APBB2: variants seen among roughly 807,000 people sequenced by gnomAD.
The protein encoded by APBB2 is Fe65-like 1.
Under a neutral mutation model 82.5 loss-of-function variants are expected in APBB2, and 38 were observed. The ratio of observed to expected loss-of-function variants is 0.46; its 90% CI spans 0.36 to 0.60. The LOEUF (loss-of-function observed/expected upper bound fraction) is 0.60. Ranked by LOEUF, APBB2 falls within the 20% of genes least tolerant of loss-of-function variation. APBB2 has a pLI of 0.00. For missense variants in APBB2, 772 were observed against 972.3 expected (o/e 0.79, Z 2.74); for synonymous variants, 341 against 368.2 (o/e 0.93, Z 0.85).
At chr4:41,183,738 C>T (rs148187139) in intron 1 of APBB2, among the ~76,000 whole-genome samples, 143 of 148,554 alleles carry the variant, frequency 9.6e-4, no homozygotes, top group African/African-American at 3.5e-3. Flanking sequence ...AACTGTAAAA[C>T]AATAATTTGT....
intron 10 of APBB2, among the ~76,000 whole-genome samples, chr4:40,896,035 G>C (rs1387964248): frequency 6.6e-6 from 1 of 152,070 alleles, no homozygotes; most frequent in African/African-American, 2.4e-5. Flanking sequence ...TGATAAACAA[G>C]GCTGGATAAA....
At chr4:40,929,105 T>C (rs1039066735) in intron 10 of APBB2, among the ~76,000 whole-genome samples, 7 of 151,842 alleles carry the variant, frequency 4.6e-5, no homozygotes, top group Admixed American at 6.6e-5. Context: ...TTCTGTAGGA[T>C]ACAACATGAC....
chr4:40,888,507 C>T (rs981108011), intron 12 of APBB2, among the ~76,000 whole-genome samples: 3 of 152,044 alleles, frequency 2.0e-5, no homozygotes, highest in African/African-American at 7.3e-5. Flanking sequence ...ACTTTGGCTC[C>T]TGCCTCGCAC....
intron 10 of APBB2, among the ~76,000 whole-genome samples, chr4:40,920,835 C>T (rs1337780111): frequency 1.3e-5 from 2 of 152,210 alleles, no homozygotes; most frequent in Non-Finnish European, 2.9e-5. Context: ...CACACCATTG[C>T]ACTCCAGCCT....
chr4:40,912,167 C>T (rs1778738432), intron 10 of APBB2, among the ~76,000 whole-genome samples: 1 of 152,212 alleles, frequency 6.6e-6, no homozygotes, highest in Non-Finnish European at 1.5e-5. Flanking sequence ...TGTGGAAAGA[C>T]ATCTTAAATC....
At chr4:40,849,192 G>C (rs1360538147) in intron 12 of APBB2, among the ~76,000 whole-genome samples, 1 of 152,054 alleles carries the variant, frequency 6.6e-6, no homozygotes, top group East Asian at 1.9e-4. Context: ...AAATGACTTT[G>C]GTTCATATCC....
chr4:41,050,498 G>A (rs531455873), intron 4 of APBB2, among the ~76,000 whole-genome samples: 1 of 152,322 alleles, frequency 6.6e-6, no homozygotes, highest in South Asian at 2.1e-4. Flanking sequence ...GGGGTTGGAG[G>A]ACAGGGGTAG....
chr4:40,983,074 T>G (rs12498883), intron 6 of APBB2, among the ~76,000 whole-genome samples: 58,279 of 152,166 alleles, frequency 0.38, 12,272 homozygotes, highest in East Asian at 0.71. Context: ...TATTGAGCAC[T>G]TACCATGAAT....
chr4:41,207,153 T>G (rs1323773333), intron 1 of APBB2, among the ~76,000 whole-genome samples: 2 of 128,410 alleles, frequency 1.6e-5, no homozygotes, highest in Non-Finnish European at 3.1e-5. Flanking sequence ...GAGCCGAGAT[T>G]AAGCCACTGC....
At chr4:41,095,254 G>A (rs1307893475) in intron 3 of APBB2, among the ~76,000 whole-genome samples, 1 of 152,184 alleles carries the variant, frequency 6.6e-6, no homozygotes, top group East Asian at 1.9e-4. Context: ...GCAGATATAA[G>A]ATTAAATAAA....
At chr4:40,887,949 T>C (rs2154350066) in intron 12 of APBB2, among the ~76,000 whole-genome samples, 1 of 152,312 alleles carries the variant, frequency 6.6e-6, no homozygotes, top group East Asian at 1.9e-4. Flanking sequence ...AGTAGGAAGC[T>C]CTTCCTGCTT....
intron 12 of APBB2, among the ~76,000 whole-genome samples, chr4:40,886,050 G>T (rs1770134988): frequency 6.6e-6 from 1 of 152,166 alleles, no homozygotes; most frequent in Non-Finnish European, 1.5e-5. Flanking sequence ...TTTCTTGTGG[G>T]AAATGGCTGA....
intron 3 of APBB2, among the ~76,000 whole-genome samples, chr4:41,091,308 C>T (rs1480778759): frequency 6.6e-6 from 1 of 152,040 alleles, no homozygotes; most frequent in African/African-American, 2.4e-5. Flanking sequence ...GTTTTTGCTC[C>T]AACCTCCACT....
chr4:40,940,270 C>T (rs1191160598), intron 7 of APBB2, among the ~76,000 whole-genome samples: 1 of 152,086 alleles, frequency 6.6e-6, no homozygotes, highest in Non-Finnish European at 1.5e-5. Flanking sequence ...GAGGAAGGGA[C>T]ATGCAAATAA....
chr4:40,832,850 A>G lies in APBB2; in HGVS notation c.1530-2273T>C, dbSNP rs1752509271. On this transcript the variant is annotated intron_variant, in intron 12 of 17. Coordinates refer to ENST00000508593, the MANE Select transcript of APBB2 (RefSeq NM_004307.2). The surrounding 1 kb of genome is among the most constrained non-coding windows in gnomAD (Gnocchi z 4.8). Reference sequence around the variant, plus strand: ...CCTGGCGTATCACCGGTACTAATACATGTTTGCGGGCTGAGTACAAGTGTG... The same window carrying G: ...CCTGGCGTATCACCGGTACTAATACGTGTTTGCGGGCTGAGTACAAGTGTG... Among the ~76,000 whole-genome samples the G allele has an allele frequency of 6.6e-6, 1 of 152,070 alleles. No homozygotes were observed. The highest frequency in any genetic ancestry group is 1.5e-5 in the Non-Finnish European group (1 of 68,020).
chr4:41,182,433 T>C (rs892991062), intron 1 of APBB2, among the ~76,000 whole-genome samples: 1 of 152,220 alleles, frequency 6.6e-6, no homozygotes, highest in African/African-American at 2.4e-5. Context: ...AAATTCATGA[T>C]TTATAAATCA....
At chr4:41,083,570 C>T (rs1738472591) in intron 3 of APBB2, among the ~76,000 whole-genome samples, 1 of 151,230 alleles carries the variant, frequency 6.6e-6, no homozygotes, top group African/African-American at 2.4e-5. Context: ...CACCTATAGT[C>T]GCAGCTACTC....
chr4:40,957,599 T>C (rs977972855), intron 6 of APBB2, among the ~76,000 whole-genome samples: 1 of 143,446 alleles, frequency 7.0e-6, no homozygotes, highest in Admixed American at 6.8e-5. Flanking sequence ...TTTTTTTTTT[T>C]TGAGGCGGAG....
chr4:40,996,189 G>A (rs1051902081), intron 6 of APBB2, among the ~76,000 whole-genome samples: 3 of 152,202 alleles, frequency 2.0e-5, no homozygotes, highest in Non-Finnish European at 4.4e-5. Context: ...CTGTATTTGA[G>A]AGTTCATTGG....
Sources: gnomAD v4.1 joint callset for allele counts (sites outside exome capture counted in the v4.1 genomes callset) on GRCh38, gnomAD v4.1.1 for gene constraint, Gnocchi (gnomAD v3.1) non-coding constraint, MANE v1.5 for transcripts, NCBI Gene and HGNC (gene_info 2026-07-23, HGNC 2026-07-21) for gene names.